Variants in FAM184A observed in about 807,000 individuals in gnomAD.
FAM184A encodes the protein family with sequence similarity 184 member A.
A neutral mutation model predicts 143.8 loss-of-function variants in FAM184A; 99 were observed. That is an observed-to-expected ratio of 0.69 (90% confidence interval 0.58 to 0.81). The LOEUF (loss-of-function observed/expected upper bound fraction) is 0.81, where lower values mean the gene tolerates loss of function less well. Ranked by LOEUF, FAM184A falls within the 40% of genes least tolerant of loss-of-function variation. The pLI, the probability that FAM184A is intolerant of heterozygous loss-of-function variation, is 0.00. For missense variants in FAM184A, 1,217 were observed against 1,310.5 expected (o/e 0.93, Z 1.10); for synonymous variants, 427 against 446.4 (o/e 0.96, Z 0.55).
chr6:119,125,837 TC>T (rs1314475225), intron 1 of FAM184A, among the ~76,000 whole-genome samples: 1 of 152,180 alleles, frequency 6.6e-6, no homozygotes, highest in Non-Finnish European at 1.5e-5. Flanking sequence ...GTGGAGGACT[TC>T]CTGGTAGCAC....
chr6:118,988,348 T>C (rs927096241), intron 9 of FAM184A, among the ~76,000 whole-genome samples: 14 of 152,344 alleles, frequency 9.2e-5, no homozygotes, highest in Admixed American at 6.5e-5. Flanking sequence ...TTTGTGGGCT[T>C]GCAGACTTAC....
chr6:119,109,875 C>A (rs766034571), intron 1 of FAM184A, among the ~76,000 whole-genome samples: 1 of 152,042 alleles, frequency 6.6e-6, no homozygotes, highest in Non-Finnish European at 1.5e-5. Flanking sequence ...TATTTTTAGA[C>A]CTATGTCTGA....
Position 119,011,330 on chromosome 6 carries a change from C to G in FAM184A, c.1632G>C (p.Lys544Asn). ...LENLKEVLED[K>N]LNTANQEIGH... is the part of the protein sequence containing the mutation. ...TTGCCTCTTGATTGGCTGTATTCAA[C>G]TTGTCTTCCAGTACTTCCTTTAGGT... The change falls in exon 6 of 18, where the codon AAG (lysine) becomes AAC (asparagine). Residue 544 changes from lysine to asparagine, a missense_variant. Lys to Asn is a moderately conservative substitution (Grantham distance 94). Coordinates refer to ENST00000338891, the MANE Select transcript of FAM184A (RefSeq NM_024581.6). The G allele has an allele frequency of 6.2e-7, 1 of 1,609,046 alleles. No individual in the cohort carries two copies. The highest frequency in any genetic ancestry group is 1.1e-5 in the South Asian group (1 of 89,936).
chr6:119,143,179 G>T (rs1231992136), intron 1 of FAM184A, among the ~76,000 whole-genome samples: 1 of 152,214 alleles, frequency 6.6e-6, no homozygotes, highest in Non-Finnish European at 1.5e-5. Context: ...TCTCTAGGAA[G>T]CTAATACCAT....
chr6:119,068,460 C>T (rs1417107669), intron 1 of FAM184A, among the ~76,000 whole-genome samples: 1 of 152,206 alleles, frequency 6.6e-6, no homozygotes, highest in Non-Finnish European at 1.5e-5. Context: ...CTCCTTTAAT[C>T]TTTATAATAA....
chr6:119,116,217 T>C (rs1286076569), intron 1 of FAM184A, among the ~76,000 whole-genome samples: 1 of 152,060 alleles, frequency 6.6e-6, no homozygotes, highest in Non-Finnish European at 1.5e-5. Context: ...CTTGAAAACT[T>C]CCAGTAGTCC....
intron 11 of FAM184A, among the ~76,000 whole-genome samples, chr6:118,977,395 A>G (rs1307039996): frequency 6.6e-6 from 1 of 152,148 alleles, no homozygotes; most frequent in Non-Finnish European, 1.5e-5. Flanking sequence ...CAGCTTGGGC[A>G]ACATGGTGAA....
chr6:119,124,795 T>C (rs541709855), intron 1 of FAM184A, among the ~76,000 whole-genome samples: 16 of 152,188 alleles, frequency 1.1e-4, no homozygotes, highest in Admixed American at 3.9e-4. Context: ...TTGGTAACAA[T>C]TATTAATCTG....
chr6:119,076,968 T>C (rs989869179), intron 1 of FAM184A, among the ~76,000 whole-genome samples: 1 of 152,238 alleles, frequency 6.6e-6, no homozygotes, highest in African/African-American at 2.4e-5. Flanking sequence ...TGGTTGAGTT[T>C]TACTGTTATG....
chr6:119,043,704 ACT>A (rs1277882299), intron 1 of FAM184A, among the ~76,000 whole-genome samples: 1 of 152,094 alleles, frequency 6.6e-6, no homozygotes, highest in Non-Finnish European at 1.5e-5. Flanking sequence ...AAAAAGAAAA[ACT>A]CTTTGGGAGA....
intron 9 of FAM184A, among the ~76,000 whole-genome samples, chr6:118,981,853 C>T (rs546019956): frequency 8.2e-4 from 125 of 152,188 alleles, no homozygotes; most frequent in Non-Finnish European, 1.7e-3. Context: ...AATGTATTTC[C>T]GAATAAGTGA....
chr6:119,117,618 C>T lies in FAM184A; in HGVS notation c.-202+31460G>A, dbSNP rs143104226. Among the ~76,000 whole-genome samples, 59 of 152,296 alleles carry T rather than the reference C, an allele frequency of 3.9e-4. 1 individual carries two copies. Among genetic ancestry groups the T allele is most frequent in the African/African-American group, 1.4e-3 (57 of 41,564 alleles). ...AAGACCTGCTTCTTACGTACCTTCACGGTTTATGAAGTACTTTATCTTAGG... is the reference window on the plus strand; with the variant it reads ...AAGACCTGCTTCTTACGTACCTTCATGGTTTATGAAGTACTTTATCTTAGG... On this transcript the variant is annotated intron_variant, in intron 1 of 16. Coordinates refer to the FAM184A transcript ENST00000352896.
At chr6:119,000,116 T>C (rs1344772873) in intron 9 of FAM184A, among the ~76,000 whole-genome samples, 1 of 152,196 alleles carries the variant, frequency 6.6e-6, no homozygotes, top group Admixed American at 6.6e-5. Context: ...GCATCTCCCT[T>C]AATTTTTCAG....
At chr6:119,012,405 G>A (rs1304030478) in intron 5 of FAM184A, among the ~76,000 whole-genome samples, 1 of 152,176 alleles carries the variant, frequency 6.6e-6, no homozygotes, top group Non-Finnish European at 1.5e-5. Flanking sequence ...AAAGACACAT[G>A]GGGTGAAGTC....
Position 119,097,357 on chromosome 6 carries a change from C to T in FAM184A, c.-202+51721G>A, listed in dbSNP as rs550844986. 2.5e-4 allele frequency among the ~76,000 whole-genome samples: 38 copies of T among 152,204 alleles called. No individual in the cohort carries two copies. The South Asian group carries it at 6.6e-3, about 27-fold the overall frequency. On this transcript the variant is annotated intron_variant, in intron 1 of 16. Coordinates refer to the FAM184A transcript ENST00000352896. ...AAGAACAATTAAAAGCAAAGACAAA[C>T]AAAATGTGAACCATCACAAACACAT...
intron 7 of FAM184A, among the ~76,000 whole-genome samples, chr6:119,004,605 A>G (rs983739944): frequency 6.6e-6 from 1 of 152,260 alleles, no homozygotes; most frequent in Non-Finnish European, 1.5e-5. Flanking sequence ...AATGCAAAGT[A>G]CATCATTAGA....
At chr6:119,117,760 A>G (rs1409167441) in intron 1 of FAM184A, among the ~76,000 whole-genome samples, 1 of 152,096 alleles carries the variant, frequency 6.6e-6, no homozygotes, top group Non-Finnish European at 1.5e-5. Flanking sequence ...GAGGACTTGA[A>G]CCCTCCTTTT....
intron 1 of FAM184A, among the ~76,000 whole-genome samples, chr6:119,063,974 G>T (rs1352119478): frequency 1.3e-5 from 2 of 151,904 alleles, no homozygotes; most frequent in Non-Finnish European, 1.5e-5. Flanking sequence ...AGTTCTTTGG[G>T]ATTCTAAATT....
intron 6 of FAM184A, among the ~76,000 whole-genome samples, chr6:119,007,671 T>C (rs952988003): frequency 2.6e-5 from 4 of 152,228 alleles, no homozygotes; most frequent in Non-Finnish European, 5.9e-5. Flanking sequence ...CTGGGCGCGG[T>C]GGCTTATGCC....
Sources: gnomAD v4.1 joint callset for allele counts (sites outside exome capture counted in the v4.1 genomes callset) on GRCh38, gnomAD v4.1.1 for gene constraint, MANE v1.5 for transcripts, NCBI Gene and HGNC (gene_info 2026-07-23, HGNC 2026-07-21) for gene names.